B4GALT5: variants seen among roughly 807,000 people sequenced by gnomAD.
B4GALT5 encodes the protein beta-1,4-galactosyltransferase 5, also known as UDP-Gal:beta-GlcNAc beta-1,4-galactosyltransferase 5.
A neutral mutation model predicts 45.0 loss-of-function variants in B4GALT5; 11 were observed. The ratio of observed to expected loss-of-function variants is 0.24; its 90% CI spans 0.15 to 0.40. The LOEUF is 0.40. Among genes scored for constraint, B4GALT5 ranks in the 10% least tolerant of loss-of-function variants. The pLI is 1.00. For synonymous variants in B4GALT5, 185 were observed against 182.9 expected, an observed-to-expected ratio of 1.01 and a Z score of -0.09; for missense variants, 337 against 500.2, an observed-to-expected ratio of 0.67 and a Z score of 3.11.
chr20:49,690,564 G>T (rs2085806437), intron 1 of B4GALT5, among the ~76,000 whole-genome samples: 1 of 151,414 alleles, frequency 6.6e-6, no homozygotes, highest in Admixed American at 6.6e-5. Context: ...AAAAAAAGGG[G>T]GGGGTGACAA....
At chr20:49,712,163 G>A (rs2085915499) in intron 1 of B4GALT5, among the ~76,000 whole-genome samples, 1 of 152,186 alleles carries the variant, frequency 6.6e-6, no homozygotes, top group Non-Finnish European at 1.5e-5. Flanking sequence ...ACATGTAATA[G>A]CTGCCTTTAT....
intron 1 of B4GALT5, among the ~76,000 whole-genome samples, chr20:49,692,663 C>A (rs181071843): frequency 9.2e-5 from 14 of 152,302 alleles, no homozygotes; most frequent in African/African-American, 3.1e-4. Flanking sequence ...ATTCTGTTTT[C>A]CCACCTGTAA....
At chr20:49,676,200 AGT>A (rs71759377) in intron 1 of B4GALT5, among the ~76,000 whole-genome samples, 2,436 of 151,518 alleles carry the variant, frequency 0.016, 38 homozygotes, top group East Asian at 0.082. Flanking sequence ...AGAGAGAGAG[AGT>A]GTGTGTGTGT....
In B4GALT5 at chr20:49,667,434, T is replaced by C. The variant is rs1973925; in HGVS notation, c.116-10732A>G. On this transcript the variant is annotated intron_variant, in intron 1 of 8. Coordinates refer to ENST00000371711, the MANE Select transcript of B4GALT5 (RefSeq NM_004776.4). ...GCCCGGCTAATTTTTTTTGTATTTT[T>C]AGTAGAGACGGGGTTTCACTGTGTC... is the stretch of plus-strand genomic sequence containing the variant. Among the ~76,000 whole-genome samples, 1,270 of 152,062 alleles carry C rather than the reference T, an allele frequency of 8.4e-3. 17 individuals carry two copies. The highest frequency in any genetic ancestry group is 0.03 in the African/African-American group (1,225 of 41,478).
intron 1 of B4GALT5, among the ~76,000 whole-genome samples, chr20:49,670,663 T>C (rs919176469): frequency 1.3e-5 from 2 of 152,186 alleles, no homozygotes; most frequent in Non-Finnish European, 2.9e-5. Context: ...TTTGCAAACA[T>C]GTAACGTAAA....
intron 1 of B4GALT5, among the ~76,000 whole-genome samples, chr20:49,679,203 T>TA (rs1427077195): frequency 1.3e-5 from 2 of 152,206 alleles, no homozygotes; most frequent in African/African-American, 4.8e-5. Context: ...ATCTTAAAAA[T>TA]AACCTCTTGC....
Position 49,703,165 on chromosome 20 carries a change from C to CAA in B4GALT5, c.115+10409_115+10410dup, listed in dbSNP as rs11452162. 4.5e-3 allele frequency among the ~76,000 whole-genome samples: 412 copies of CAA among 90,730 alleles called. 12 individuals are homozygous for CAA. Among genetic ancestry groups the CAA allele is most frequent in the Admixed American group, 6.5e-3 (51 of 7,820 alleles). The allele number at this position is 90,730 out of a possible 152,430, so 59.5% of individuals were successfully genotyped here. A position where few individuals can be genotyped will look rare whatever the true frequency, so the allele number is the denominator to read the frequency against. On this transcript the variant is annotated intron_variant, in intron 1 of 8. Transcript: ENST00000371711. ...CTCCAGCCTGGGCGAGACTCCGTCT[C>CAA]AAAAAAAAAAAAAAAAAAAAGTGAT... is the stretch of plus-strand genomic sequence containing the variant.
At position 49,663,443 on chromosome 20, in the gene B4GALT5, C is replaced by CAA. The variant is rs11086291; in HGVS notation, c.116-6743_116-6742dup. On this transcript the variant is annotated intron_variant, in intron 1 of 8. Transcript: ENST00000371711. ...ATTGATATGCACTCACATATTTTTA[C>CAA]AAAAAAAAAAACATAGGAAGAGTAA... 4.2e-3 allele frequency among the ~76,000 whole-genome samples: 603 copies of CAA among 142,824 alleles called. 3 individuals carry two copies. The highest frequency in any genetic ancestry group is 0.015 in the African/African-American group (576 of 38,224). The allele number at this position is 142,824 out of a possible 152,430, so 93.7% of individuals were successfully genotyped here.
intron 1 of B4GALT5, among the ~76,000 whole-genome samples, chr20:49,697,131 G>A (rs1208085671): frequency 6.6e-6 from 1 of 152,196 alleles, no homozygotes; most frequent in Non-Finnish European, 1.5e-5. Flanking sequence ...AAGCTTTGCA[G>A]TGGGCTTTGG....
At chr20:49,648,176 G>A (rs1568717420) in intron 2 of B4GALT5, among the ~76,000 whole-genome samples, 3 of 151,914 alleles carry the variant, frequency 2.0e-5, no homozygotes. Context: ...TTTTCTCCTG[G>A]TCTGACCAGA....
At chr20:49,665,961 G>A (rs1321616243) in intron 1 of B4GALT5, among the ~76,000 whole-genome samples, 2 of 152,022 alleles carry the variant, frequency 1.3e-5, no homozygotes, top group Non-Finnish European at 2.9e-5. Flanking sequence ...AATGGGGGGA[G>A]CAAGAGCGAA....
Position 49,713,609 on chromosome 20 carries a change from G to A in B4GALT5, c.82C>T (p.Leu28=), listed in dbSNP as rs1030290422. 1 of 1,591,128 alleles carries A rather than the reference G, an allele frequency of 6.3e-7. No individual in the cohort carries two copies. Among genetic ancestry groups the A allele is most frequent in the Non-Finnish European group, 8.5e-7 (1 of 1,170,264 alleles). ...ALFFFSLSSS[L]LYFVYVAPGI... ...GGCGCCACATAGACGAAGTACAGCA[G>A]CGAGGACGAGAGAGAAAAGAAGAAG... Residue 28 remains leucine (L), a synonymous_variant, in exon 1 of 9, where the codon CTG becomes TTG. Transcript: ENST00000371711.
chr20:49,673,645 C>A (rs2085725088), intron 1 of B4GALT5, among the ~76,000 whole-genome samples: 1 of 152,110 alleles, frequency 6.6e-6, no homozygotes, highest in South Asian at 2.1e-4. Context: ...ACTTCTCGGC[C>A]TTCTGGCTAA....
At chr20:49,680,990 G>A (rs930886665) in intron 1 of B4GALT5, among the ~76,000 whole-genome samples, 3 of 151,958 alleles carry the variant, frequency 2.0e-5, no homozygotes, top group African/African-American at 4.8e-5. Flanking sequence ...GGAGGCTGAC[G>A]TGGGAGAACT....
intron 8 of B4GALT5, among the ~76,000 whole-genome samples, chr20:49,636,768 G>T (rs2085555576): frequency 6.6e-6 from 1 of 152,216 alleles, no homozygotes; most frequent in Non-Finnish European, 1.5e-5. Context: ...GAGTGGGGAA[G>T]TGGGAGGTAA....
chr20:49,663,338 A>C (rs2085672674), intron 1 of B4GALT5, among the ~76,000 whole-genome samples: 1 of 152,068 alleles, frequency 6.6e-6, no homozygotes, highest in African/African-American at 2.4e-5. Context: ...ATGTCAACAA[A>C]ATTTACCTTC....
Position 49,633,293 on chromosome 20 carries a change from T to TC in B4GALT5, c.*3018_*3019insG, listed in dbSNP as rs1984421957. The TC allele has an allele frequency of 6.8e-6, 1 of 147,062 alleles. No individual in the cohort carries two copies. The highest frequency in any genetic ancestry group is 2.5e-5 in the African/African-American group (1 of 39,298). 9.1% of individuals were successfully genotyped at this position (147,062 alleles called of 1,614,324 possible). A position where few individuals can be genotyped will look rare whatever the true frequency, so the allele number is the denominator to read the frequency against. The stretch of plus-strand genomic sequence containing the variant: ...ATGTCAAAATGAGTATTCTTGCAAA[T>TC]ACCCCCCCACCCCCCAAAACAGCAT... On this transcript the variant is annotated 3_prime_UTR_variant, in exon 9 of 9. Coordinates refer to ENST00000371711, the MANE Select transcript of B4GALT5 (RefSeq NM_004776.4).
At chr20:49,691,536 C>T (rs1027025707) in intron 1 of B4GALT5, among the ~76,000 whole-genome samples, 16 of 151,974 alleles carry the variant, frequency 1.1e-4, no homozygotes, top group African/African-American at 3.1e-4. Context: ...AAAAAACCCA[C>T]ACGCCAAAAC....
intron 1 of B4GALT5, among the ~76,000 whole-genome samples, chr20:49,682,957 G>A (rs558541351): frequency 6.6e-6 from 1 of 152,090 alleles, no homozygotes; most frequent in East Asian, 1.9e-4. Flanking sequence ...AGCCCGGCAT[G>A]GTGGTGTGCA....
Sources: gnomAD v4.1 joint callset for allele counts (sites outside exome capture counted in the v4.1 genomes callset) on GRCh38, gnomAD v4.1.1 for gene constraint, MANE v1.5 for transcripts, NCBI Gene and HGNC (gene_info 2026-07-23, HGNC 2026-07-21) for gene names.